Variants in LRRC37A observed in about 807,000 individuals in gnomAD.
LRRC37A encodes the protein leucine rich repeat containing 37A.
Under a neutral mutation model 35.4 loss-of-function variants are expected in LRRC37A, and 3 were observed. The observed-to-expected ratio is 0.08, with a 90% CI of 0.04 to 0.22. The LOEUF (loss-of-function observed/expected upper bound fraction) is 0.22. Among genes scored for constraint, LRRC37A ranks in the 10% least tolerant of loss-of-function variants. The pLI, the probability that LRRC37A is intolerant of heterozygous loss-of-function variation, is 1.00. For missense variants in LRRC37A, 67 were observed against 565.3 expected (o/e 0.12, Z 8.94); for synonymous variants, 23 against 215.0 (o/e 0.11, Z 7.81).
the LRRC37A span, among the ~76,000 whole-genome samples, chr17:46,271,839 A>G: frequency 6.6e-5 from 10 of 152,226 alleles, no homozygotes; most frequent in Admixed American, 6.5e-4. Context: ...TCAGCTCACT[A>G]CAACCTCTGC....
At chr17:46,272,475 C>T in the LRRC37A span, among the ~76,000 whole-genome samples, 4 of 152,284 alleles carry the variant, frequency 2.6e-5, no homozygotes, top group Non-Finnish European at 4.4e-5. Flanking sequence ...AGTGCAATGG[C>T]GTGATCACGG....
chr17:46,265,321 CTTCT>C, the LRRC37A span, among the ~76,000 whole-genome samples: 5 of 138,718 alleles, frequency 3.6e-5, no homozygotes, highest in East Asian at 5.4e-4. Context: ...TCTTCCTCTT[CTTCT>C]TTTTTTCTCC....
chr17:46,272,084 G>A, the LRRC37A span, among the ~76,000 whole-genome samples: 1 of 152,246 alleles, frequency 6.6e-6, no homozygotes, highest in East Asian at 1.9e-4. Flanking sequence ...ACCTCCTGTA[G>A]AATTTGGATA....
At chr17:46,258,219 C>CTTTTTTTTTT in the LRRC37A span, among the ~76,000 whole-genome samples, 54 of 147,198 alleles carry the variant, frequency 3.7e-4, no homozygotes, top group African/African-American at 4.9e-4. Context: ...GAAAGAGATT[C>CTTTTTTTTTT]TTTTTTTTTT....
the LRRC37A span, chr17:46,274,762 ATT>A: frequency 6.6e-6 from 1 of 152,462 alleles, no homozygotes; most frequent in Non-Finnish European, 1.5e-5. Context: ...CCACAGTATC[ATT>A]GTTTCTTGCT....
upstream of LRRC37A, among the ~76,000 whole-genome samples, chr17:46,292,182 ATT>A (rs2050091414): frequency 1.3e-5 from 1 of 79,164 alleles, no homozygotes; most frequent in African/African-American, 3.2e-5. Context: ...AAATACAAAA[ATT>A]GGCTGGGTGT....
the LRRC37A span, among the ~76,000 whole-genome samples, chr17:46,280,311 G>A: frequency 0.12 from 18,621 of 149,830 alleles, 2 homozygotes; most frequent in Middle Eastern, 0.19. Context: ...TTGCAGTGAG[G>A]TGAGATTGCA....
At chr17:46,292,026 A>C (rs1402668070), upstream of LRRC37A, among the ~76,000 whole-genome samples, 11 of 137,322 alleles carry the variant, frequency 8.0e-5, no homozygotes, top group South Asian at 2.5e-3. Context: ...TTCACTCCAA[A>C]TGAAATTATA....
chr17:46,327,221 C>T (rs866273394), intron 7 of LRRC37A, among the ~76,000 whole-genome samples: 1 of 76,146 alleles, frequency 1.3e-5, no homozygotes, highest in East Asian at 2.5e-4. Context: ...GCCTCGTAAC[C>T]GCAGATGGCC....
chr17:46,256,179 G>A, the LRRC37A span, among the ~76,000 whole-genome samples: 19 of 152,154 alleles, frequency 1.2e-4, no homozygotes, highest in South Asian at 2.1e-4. Context: ...GAGATCAGGC[G>A]TTTGAGACCA....
At chr17:46,275,338 A>G in the LRRC37A span, 6 of 913,436 alleles carry the variant, frequency 6.6e-6, no homozygotes, top group Admixed American at 9.4e-5. Context: ...AGTTCAGGCA[A>G]CAAGATTCTT....
chr17:46,251,679 C>G, the LRRC37A span, among the ~76,000 whole-genome samples: 2 of 140,586 alleles, frequency 1.4e-5, no homozygotes, highest in African/African-American at 5.0e-5. Flanking sequence ...GATGGTATGA[C>G]GACACTATTG....
chr17:46,249,299 C>T, the LRRC37A span, among the ~76,000 whole-genome samples: 137 of 152,284 alleles, frequency 9.0e-4, 1 homozygote, highest in Non-Finnish European at 1.4e-3. Context: ...GAGGCTGAGG[C>T]ACAAGAAGTG....
At chr17:46,253,774 AGGGGAG>A in the LRRC37A span, among the ~76,000 whole-genome samples, 1 of 110,544 alleles carries the variant, frequency 9.0e-6, no homozygotes, top group South Asian at 3.1e-4. Context: ...AGGGAGGGGG[AGGGGAG>A]GGGGAGAGGG....
At chr17:46,278,415 G>GTT in the LRRC37A span, among the ~76,000 whole-genome samples, 61 of 118,646 alleles carry the variant, frequency 5.1e-4, no homozygotes, top group African/African-American at 1.5e-3. Flanking sequence ...TTTTTTTGTT[G>GTT]TTGTTTTAAG....
chr17:46,308,924 A>AT (rs1218137293), intron 5 of LRRC37A, among the ~76,000 whole-genome samples: 2 of 66,452 alleles, frequency 3.0e-5, no homozygotes, highest in African/African-American at 7.7e-5. Flanking sequence ...TGTAGTCATA[A>AT]TTTTTTTAAT....
At chr17:46,282,519 A>G in the LRRC37A span, among the ~76,000 whole-genome samples, 9 of 150,242 alleles carry the variant, frequency 6.0e-5, no homozygotes, top group Non-Finnish European at 1.2e-4. Flanking sequence ...TACTCAAGTG[A>G]TTCTCCTGCC....
At chr17:46,284,444 G>T in the LRRC37A span, among the ~76,000 whole-genome samples, 1 of 152,264 alleles carries the variant, frequency 6.6e-6, no homozygotes, top group African/African-American at 2.4e-5. Flanking sequence ...AGAGCACGGG[G>T]TTGGGGGTAA....
chr17:46,265,012 G>C, the LRRC37A span, among the ~76,000 whole-genome samples: 1 of 150,598 alleles, frequency 6.6e-6, no homozygotes, highest in African/African-American at 2.4e-5. Context: ...ACAGGGCCCC[G>C]AGGGCATGAA....
Sources: allele counts gnomAD v4.1 joint callset (sites outside exome capture counted in the v4.1 genomes callset), GRCh38; gene constraint gnomAD v4.1.1; transcripts MANE v1.5; gene names NCBI Gene and HGNC (gene_info 2026-07-23, HGNC 2026-07-21).